The following DNAH10 variants were observed in gnomAD, a reference collection of about 807,000 sequenced individuals.
DNAH10 encodes the protein dynein axonemal heavy chain 10.
A neutral mutation model predicts 506.6 loss-of-function variants in DNAH10; 348 were observed. The ratio of observed to expected loss-of-function variants is 0.69; its 90% CI spans 0.63 to 0.75. DNAH10 has a LOEUF of 0.75. DNAH10 is among the 30% of genes least tolerant of loss of function. The probability of loss-of-function intolerance (pLI) is 0.00; values close to 1 mark genes in which losing one functional copy is unlikely to be tolerated. For synonymous variants in DNAH10, 2,059 were observed against 2,198.6 expected (o/e 0.94, Z 1.78); for missense variants, 5,179 against 5,787.1 (o/e 0.89, Z 3.41).
intron 12 of DNAH10, among the ~76,000 whole-genome samples, chr12:123,795,114 C>T (rs1049419310): frequency 4.9e-5 from 7 of 141,554 alleles, no homozygotes; most frequent in African/African-American, 1.9e-4. Flanking sequence ...CGCGATTGCA[C>T]TCCAGCCTGG....
intron 12 of DNAH10, 110 bp downstream of exon 12, chr12:123,794,222 A>G: frequency 1.2e-6 from 1 of 856,048 alleles, no homozygotes; most frequent in Non-Finnish European, 1.5e-6. Context: ...GAGAAACTAG[A>G]ATTTTCCCAA....
chr12:123,924,495 A>G (rs754150119), intron 67 of DNAH10, 63 bp downstream of exon 67: 58 of 1,579,042 alleles, frequency 3.7e-5, no homozygotes, highest in Non-Finnish European at 4.8e-5. Flanking sequence ...CCAAACCTCA[A>G]CTGTGGCCCA....
rs866536465 is a variant in DNAH10 at position 123,813,449 on chromosome 12, C to T, written c.3430C>T (p.Gln1144Ter). 7 of 1,614,194 alleles carry T rather than the reference C, an allele frequency of 4.3e-6. No homozygotes were observed. Among genetic ancestry groups the T allele is most frequent in the Non-Finnish European group, 5.9e-6 (7 of 1,180,038 alleles). The change falls in exon 20 of 79, where the codon CAG (glutamine) becomes TAG (stop). Residue 1144 changes from glutamine to a stop codon, truncating the protein, a stop_gained. Transcript: ENST00000673944. LOFTEE classifies it high-confidence loss of function. The stretch of plus-strand genomic sequence containing the variant: ...TTGTGTAGCATATGATGAAAAGTTG[C>T]AGTTCTATTCCAAGATAGCTTATGA... Reference protein sequence around the residue: ...PPCVAYDEKLQFYSKIAYEVM... With the variant: ...PPCVAYDEKL
intron 45 of DNAH10, among the ~76,000 whole-genome samples, chr12:123,873,269 G>C (rs1952109164): frequency 6.6e-6 from 1 of 152,220 alleles, no homozygotes; most frequent in South Asian, 2.1e-4. Context: ...AAGTCGCCTT[G>C]CTAGAACTGT....
chr12:123,808,735 T>C, intron 18 of DNAH10, 62 bp from the exon 19 acceptor site: 7 of 1,562,358 alleles, frequency 4.5e-6, no homozygotes, highest in African/African-American at 1.4e-5. Context: ...TTTCCATCAA[T>C]TGCTTGGTGT....
intron 64 of DNAH10, among the ~76,000 whole-genome samples, chr12:123,918,424 G>T (rs901943995): frequency 1.3e-5 from 2 of 152,250 alleles, no homozygotes; most frequent in Non-Finnish European, 2.9e-5. Context: ...CATATGGGAA[G>T]AAAAGGGAGA....
rs1169805255 is a variant in DNAH10 at position 123,850,186 on chromosome 12, A to G, written c.6103-702A>G. On this transcript the variant is annotated intron_variant, in intron 34 of 78. Coordinates refer to ENST00000673944, the MANE Select transcript of DNAH10 (RefSeq NM_001372106.1). This position sits in a 1 kb window ranked among gnomAD's most constrained non-coding sequence, Gnocchi z 5.5. ...TGCAGACTGTGCCTCCTAACAACAA[A>G]AATTTTCTGTCCTCTGCCTGGCTGG... Among the ~76,000 whole-genome samples the G allele has an allele frequency of 1.1e-5, 1 of 88,238 alleles. No homozygotes were observed. The highest frequency in any genetic ancestry group is 2.1e-4 in the East Asian group (1 of 4,684). 57.9% of individuals were successfully genotyped at this position (88,238 alleles called of 152,430 possible). A position where few individuals can be genotyped will look rare whatever the true frequency, so the allele number is the denominator to read the frequency against.
At chr12:123,888,173 A>C (rs1212665739) in intron 52 of DNAH10, among the ~76,000 whole-genome samples, 2 of 152,036 alleles carry the variant, frequency 1.3e-5, no homozygotes, top group African/African-American at 4.8e-5. Flanking sequence ...ATGTTATGGC[A>C]CTCCAGCCTG....
chr12:123,869,324 C>T (rs1002332308), intron 43 of DNAH10, among the ~76,000 whole-genome samples: 1 of 152,162 alleles, frequency 6.6e-6, no homozygotes, highest in African/African-American at 2.4e-5. Flanking sequence ...CCACTCTTGC[C>T]TGAGACCTCC....
In DNAH10 at chr12:123,903,100, G is replaced by A; in HGVS notation, c.9802G>A (p.Val3268Met). Reference sequence around the variant, plus strand: ...ACTGCAGAAGCTGGACAAGTCGGACGTGACTGAGATTAGGTAATGCACCTG... The same window carrying A: ...ACTGCAGAAGCTGGACAAGTCGGACATGACTGAGATTAGGTAATGCACCTG... ...LELQKLDKSD[V>M]TEIRSFAKPP... The change falls in exon 57 of 79, where the codon GTG becomes ATG. Residue 3268 changes from valine (V) to methionine (M), a missense_variant. Val to Met is a conservative substitution (Grantham distance 21, BLOSUM62 1). Around this residue, in one of 3 missense-constraint regions of DNAH10, gnomAD observed 4,844 missense variants for 5,430.5 expected, o/e 0.89. Coordinates refer to ENST00000673944, the MANE Select transcript of DNAH10 (RefSeq NM_001372106.1). This position sits in a 1 kb window ranked among gnomAD's most constrained non-coding sequence, Gnocchi z 4.6. The A allele has an allele frequency of 1.2e-6, 2 of 1,610,172 alleles. No homozygotes were observed. Among genetic ancestry groups the A allele is most frequent in the Non-Finnish European group, 1.7e-6 (2 of 1,178,390 alleles).
At chr12:123,861,233 A>C in intron 39 of DNAH10, 63 bp downstream of exon 39, 1 of 1,561,714 alleles carries the variant, frequency 6.4e-7, no homozygotes, top group Non-Finnish European at 8.7e-7. Flanking sequence ...TCAACATTAA[A>C]AACGGTGGCA....
At chr12:123,814,105 T>C (rs1343292419) in intron 21 of DNAH10, 193 bp downstream of exon 21, 2 of 523,722 alleles carry the variant, frequency 3.8e-6, no homozygotes, top group South Asian at 6.7e-5. Context: ...TCAATCTGTA[T>C]GGCTCAAATG....
chr12:123,874,821 C>A (rs1952184959), intron 46 of DNAH10, among the ~76,000 whole-genome samples: 1 of 152,200 alleles, frequency 6.6e-6, no homozygotes, highest in East Asian at 1.9e-4. Flanking sequence ...AGGCATATCA[C>A]ACCCCCTGGG....
intron 56 of DNAH10, among the ~76,000 whole-genome samples, chr12:123,899,731 G>A (rs1384121985): frequency 6.6e-6 from 1 of 152,200 alleles, no homozygotes; most frequent in Non-Finnish European, 1.5e-5. Flanking sequence ...GCACAGCAGC[G>A]CCGTGAAGAG....
intron 39 of DNAH10, among the ~76,000 whole-genome samples, chr12:123,864,017 G>T (rs1442194037): frequency 6.6e-6 from 1 of 152,122 alleles, no homozygotes; most frequent in African/African-American, 2.4e-5. Context: ...TCAGCTGATT[G>T]TTCCCACGAA....
chr12:123,815,561 G>A (rs1266388308), intron 21 of DNAH10, among the ~76,000 whole-genome samples: 2 of 152,192 alleles, frequency 1.3e-5, no homozygotes, highest in African/African-American at 4.8e-5. Flanking sequence ...TGAAAGGGGA[G>A]GTAGGGGAAA....
intron 10 of DNAH10, among the ~76,000 whole-genome samples, chr12:123,789,376 T>C (rs1012402470): frequency 6.7e-6 from 1 of 149,510 alleles, no homozygotes; most frequent in African/African-American, 2.5e-5. Context: ...TCTCACCTCT[T>C]TGTGTGTGTG....
intron 11 of DNAH10, among the ~76,000 whole-genome samples, chr12:123,792,716 C>G (rs1196046514): frequency 6.6e-6 from 1 of 152,212 alleles, no homozygotes; most frequent in East Asian, 1.9e-4. Flanking sequence ...CTGCCTCAGC[C>G]TCTGAAAGTG....
In DNAH10 at chr12:123,762,369, C is replaced by G; in HGVS notation, c.33C>G (p.Asp11Glu). The change falls in exon 1 of 79, where the codon GAC (aspartate) becomes GAG (glutamate). Residue 11 changes from aspartate (D) to glutamate (E), a missense_variant. Asp to Glu is a conservative substitution (Grantham distance 45). Transcript: ENST00000673944. The surrounding 1 kb of genome is among the most constrained non-coding windows in gnomAD (Gnocchi z 5.0). ...ACCTGCGGGTGCTGTGGATGCGCGA[C>G]CGCGTGTATGCGGCTTTCGGCATCA... MDDLRVLWMR[D>E]RVYAAFGITD... is the part of the protein sequence containing the mutation. 7.3e-7 allele frequency: 1 copy of G among 1,366,434 alleles called. No homozygotes were observed. Among genetic ancestry groups the G allele is most frequent in the Non-Finnish European group, 9.5e-7 (1 of 1,056,496 alleles). The allele number at this position is 1,366,434 out of a possible 1,614,324, so 84.6% of individuals were successfully genotyped here. A position where few individuals can be genotyped will look rare whatever the true frequency, so the allele number is the denominator to read the frequency against.
Sources: allele counts gnomAD v4.1 joint callset (sites outside exome capture counted in the v4.1 genomes callset), GRCh38; gene constraint gnomAD v4.1.1; regional missense constraint gnomAD v4.1.1; non-coding constraint Gnocchi (gnomAD v3.1); transcripts MANE v1.5; gene names NCBI Gene and HGNC (gene_info 2026-07-23, HGNC 2026-07-21).